MAMDC2: variants seen among roughly 807,000 people sequenced by gnomAD.
The protein encoded by MAMDC2 is MAM domain containing 2.
A neutral mutation model predicts 89.8 loss-of-function variants in MAMDC2; 57 were observed. The observed-to-expected ratio is 0.63, with a 90% CI of 0.51 to 0.79. MAMDC2 has a LOEUF of 0.79. MAMDC2 is among the 30% of genes least tolerant of loss of function. The pLI, the probability that MAMDC2 is intolerant of heterozygous loss-of-function variation, is 0.00. For synonymous variants in MAMDC2, 313 were observed against 293.4 expected (o/e 1.07, Z -0.68); for missense variants, 800 against 820.6 (o/e 0.97, Z 0.31).
intron 11 of MAMDC2, among the ~76,000 whole-genome samples, chr9:70,205,296 C>T (rs1053641863): frequency 1.3e-5 from 2 of 152,174 alleles, no homozygotes; most frequent in African/African-American, 4.8e-5. Context: ...TTTCCCAAAA[C>T]TGAAACTCCG....
At position 70,226,170 on chromosome 9, in the gene MAMDC2, T is replaced by C. The variant is rs2033637583; in HGVS notation, c.*138T>C. 1 of 513,514 alleles carries C rather than the reference T, an allele frequency of 1.9e-6. No individual in the cohort carries two copies. Among genetic ancestry groups the C allele is most frequent in the East Asian group, 3.3e-5 (1 of 30,112 alleles). The allele number at this position is 513,514 out of a possible 1,614,324, so 31.8% of individuals were successfully genotyped here. A position where few individuals can be genotyped will look rare whatever the true frequency, so the allele number is the denominator to read the frequency against. ...ACTTTAGAGCACCCTCCTTCATTAC[T>C]TTTGCAAAAACATACTGACTCAGGG... On this transcript the variant is annotated 3_prime_UTR_variant, in exon 14 of 14. Transcript: ENST00000377182.
chr9:70,118,099 T>G (rs1207610779), intron 5 of MAMDC2, among the ~76,000 whole-genome samples: 1 of 152,034 alleles, frequency 6.6e-6, no homozygotes, highest in Non-Finnish European at 1.5e-5. Flanking sequence ...GATGGTTTAT[T>G]TTATATTTGG....
intron 11 of MAMDC2, among the ~76,000 whole-genome samples, chr9:70,205,552 G>A (rs191742905): frequency 6.6e-6 from 1 of 152,268 alleles, no homozygotes; most frequent in East Asian, 1.9e-4. Flanking sequence ...TGAGACTGGA[G>A]GAACAGCTGC....
At position 70,201,728 on chromosome 9, in the gene MAMDC2, A is replaced by C. The variant is rs1032574275; in HGVS notation, c.1652-16609A>C. On this transcript the variant is annotated intron_variant, in intron 11 of 13. Transcript: ENST00000377182. ...AACTATTGATTATTGCCACAATTTC[A>C]GATCCTGTTATTGGTCTATTCAGAG... Among the ~76,000 whole-genome samples the C allele has an allele frequency of 4.2e-5, 6 of 142,668 alleles. No homozygotes were observed. In the Admixed American group the frequency reaches 4.2e-4, roughly 10 times the overall value. 93.6% of individuals were successfully genotyped at this position (142,668 alleles called of 152,430 possible).
At chr9:70,052,576 C>T (rs1826936920) in intron 2 of MAMDC2, among the ~76,000 whole-genome samples, 1 of 152,144 alleles carries the variant, frequency 6.6e-6, no homozygotes, top group Admixed American at 6.5e-5. Context: ...TTATTGGCAT[C>T]TCCTGATAAG....
At chr9:70,139,400 T>C (rs2031122742) in intron 7 of MAMDC2, among the ~76,000 whole-genome samples, 2 of 150,568 alleles carry the variant, frequency 1.3e-5, no homozygotes, top group South Asian at 4.3e-4. Flanking sequence ...GATAGTTTAC[T>C]GAGAATGATG....
chr9:70,108,592 C>A, intron 3 of MAMDC2, 110 bp downstream of exon 3: 1 of 932,984 alleles, frequency 1.1e-6, no homozygotes. Context: ...TGGATTATGA[C>A]GTGATGTTTC....
intron 9 of MAMDC2, among the ~76,000 whole-genome samples, chr9:70,145,024 T>C (rs1232795755): frequency 6.6e-6 from 1 of 152,230 alleles, no homozygotes; most frequent in African/African-American, 2.4e-5. Flanking sequence ...AAAAACTATT[T>C]TCCATTGCTA....
chr9:70,145,737 ATTAT>A (rs370396639), intron 9 of MAMDC2, among the ~76,000 whole-genome samples: 9 of 152,028 alleles, frequency 5.9e-5, no homozygotes, highest in South Asian at 2.1e-4. Context: ...GATTTAATTA[ATTAT>A]TTATTTATTT....
At chr9:70,082,142 A>G (rs1827666495) in intron 2 of MAMDC2, 1 of 152,182 alleles carries the variant, frequency 6.6e-6, no homozygotes, top group African/African-American at 2.4e-5. Flanking sequence ...GCTTCTTGAT[A>G]CAGACTGTGA....
intron 9 of MAMDC2, among the ~76,000 whole-genome samples, chr9:70,164,250 G>A (rs982993234): frequency 6.6e-6 from 1 of 152,152 alleles, no homozygotes; most frequent in African/African-American, 2.4e-5. Flanking sequence ...GGCCCAAAAC[G>A]TCAGTAGTGC....
At position 70,113,046 on chromosome 9, in the gene MAMDC2, C is replaced by G. The variant is rs372343775; in HGVS notation, c.557C>G (p.Pro186Arg). ...TGTGGCTTTGTGAACCGCTGGAATCCCAATGTGAACTGGTTTGTTGGAGGA... is the reference window on the plus strand; with the variant it reads ...TGTGGCTTTGTGAACCGCTGGAATCGCAATGTGAACTGGTTTGTTGGAGGA... ...HLCGFVNRWNPNVNWFVGGGS... is the reference protein window; with the variant it reads ...HLCGFVNRWNRNVNWFVGGGS... Residue 186 changes from proline to arginine, a missense_variant, in exon 5 of 14, where the codon CCC (proline) becomes CGC (arginine). Pro to Arg is a moderately radical substitution (Grantham distance 103). Coordinates refer to ENST00000377182, the MANE Select transcript of MAMDC2 (RefSeq NM_153267.5). 3 of 1,613,930 alleles carry G rather than the reference C, an allele frequency of 1.9e-6. No individual in the cohort carries two copies. Among genetic ancestry groups the G allele is most frequent in the Non-Finnish European group, 2.5e-6 (3 of 1,179,976 alleles).
intron 2 of MAMDC2, among the ~76,000 whole-genome samples, chr9:70,056,917 A>C (rs1001053707): frequency 1.4e-4 from 22 of 152,170 alleles, no homozygotes; most frequent in Admixed American, 6.5e-5. Flanking sequence ...TGAGAATCTA[A>C]TGCCTGATGA....
intron 2 of MAMDC2, among the ~76,000 whole-genome samples, chr9:70,095,136 C>T (rs1302978636): frequency 6.6e-6 from 1 of 152,146 alleles, no homozygotes; most frequent in South Asian, 2.1e-4. Flanking sequence ...CTTAAAGGAA[C>T]TAAAAGAAAT....
chr9:70,218,427 A>C lies in MAMDC2; in HGVS notation c.1742A>C (p.His581Pro). Residue 581 changes from histidine to proline, a missense_variant, in exon 12 of 14, where the codon CAC (histidine) becomes CCC (proline). Transcript: ENST00000377182. ...CCTCTGCGAGGAGTCTCTGGAAAAC[A>C]CTGCTTGACCTTTTTCTACCACATG... Reference protein sequence around the residue: ...SRPLRGVSGKHCLTFFYHMYG... With the variant: ...SRPLRGVSGKPCLTFFYHMYG... The C allele has an allele frequency of 6.2e-7, 1 of 1,614,196 alleles. No individual in the cohort carries two copies. Among genetic ancestry groups the C allele is most frequent in the Non-Finnish European group, 8.5e-7 (1 of 1,180,022 alleles).
At chr9:70,096,327 A>C (rs1828026510) in intron 2 of MAMDC2, among the ~76,000 whole-genome samples, 1 of 152,122 alleles carries the variant, frequency 6.6e-6, no homozygotes, top group Non-Finnish European at 1.5e-5. Context: ...TGGGACTTTA[A>C]ATTTTAAAAC....
intron 2 of MAMDC2, among the ~76,000 whole-genome samples, chr9:70,066,584 A>G (rs1827271890): frequency 6.6e-6 from 1 of 152,180 alleles, no homozygotes; most frequent in African/African-American, 2.4e-5. Context: ...GGGTTACTGC[A>G]GGGCCATGGT....
intron 2 of MAMDC2, among the ~76,000 whole-genome samples, chr9:70,068,725 CAA>C (rs34946038): frequency 0.017 from 1,720 of 99,730 alleles, 19 homozygotes; most frequent in African/African-American, 0.064. Flanking sequence ...CCCTCCATCA[CAA>C]AAAAAAAAAA....
At chr9:70,079,873 G>A (rs1194878769) in intron 2 of MAMDC2, among the ~76,000 whole-genome samples, 2 of 152,128 alleles carry the variant, frequency 1.3e-5, no homozygotes, top group African/African-American at 4.8e-5. Context: ...ATCTGGCTGA[G>A]TGGGAGCATG....
Sources: allele counts gnomAD v4.1 joint callset (sites outside exome capture counted in the v4.1 genomes callset), GRCh38; gene constraint gnomAD v4.1.1; transcripts MANE v1.5; gene names NCBI Gene and HGNC (gene_info 2026-07-23, HGNC 2026-07-21).